The following GPATCH8 variants were observed in gnomAD, a reference collection of about 807,000 sequenced individuals.
GPATCH8 encodes the protein G-patch domain containing 8.
A neutral mutation model predicts 118.3 loss-of-function variants in GPATCH8; 18 were observed. The observed-to-expected ratio is 0.15, with a 90% CI of 0.11 to 0.23. The LOEUF is 0.23. GPATCH8 is among the 10% of genes least tolerant of loss of function. The probability of loss-of-function intolerance (pLI) is 1.00; values close to 1 mark genes in which losing one functional copy is unlikely to be tolerated. For synonymous variants in GPATCH8, 659 were observed against 684.7 expected (o/e 0.96, Z 0.59); for missense variants, 1,631 against 1,873.8 (o/e 0.87, Z 2.39).
At chr17:44,472,547 A>C (rs1375861897) in intron 2 of GPATCH8, among the ~76,000 whole-genome samples, 1 of 152,186 alleles carries the variant, frequency 6.6e-6, no homozygotes, top group African/African-American at 2.4e-5. Flanking sequence ...ATTTCATCTA[A>C]ATTTACTGCT....
At chr17:44,443,114 A>G (rs755723431) in intron 3 of GPATCH8, among the ~76,000 whole-genome samples, 2 of 152,156 alleles carry the variant, frequency 1.3e-5, no homozygotes, top group African/African-American at 2.4e-5. Context: ...CATTAAACTG[A>G]TAAAGGCCAA....
Position 44,400,901 on chromosome 17 carries a change from C to T in GPATCH8, c.1176G>A (p.Glu392=), listed in dbSNP as rs868741181. ...GTGCTGGGGGGATGTAGTGGTAATA[C>T]TCAGGCTCTGTAGCCCCAGCTCCTT... ...REEGAGATEP[E]YYHYIPPAHC... is the part of the protein sequence containing the mutation. The change falls in exon 8 of 8, where the codon GAG becomes GAA. Residue 392 remains glutamate, a synonymous_variant. Transcript: ENST00000591680. 4 of 1,614,038 alleles carry T rather than the reference C, an allele frequency of 2.5e-6. No individual in the cohort carries two copies. The highest frequency in any genetic ancestry group is 1.6e-4 in the Middle Eastern group (1 of 6,062).
chr17:44,469,232 A>G (rs1452845105), intron 2 of GPATCH8, among the ~76,000 whole-genome samples: 1 of 152,210 alleles, frequency 6.6e-6, no homozygotes, highest in Non-Finnish European at 1.5e-5. Flanking sequence ...AACTACCAAT[A>G]TGCTGAAAAC....
At position 44,395,894 on chromosome 17, in the gene GPATCH8, T is replaced by C. The variant is rs762636968; in HGVS notation, c.*1674A>G. 3 of 453,954 alleles carry C rather than the reference T, an allele frequency of 6.6e-6. No individual in the cohort carries two copies. The highest frequency in any genetic ancestry group is 8.8e-6 in the Non-Finnish European group (2 of 226,764). 28.1% of individuals were successfully genotyped at this position (453,954 alleles called of 1,614,324 possible). The stretch of plus-strand genomic sequence containing the variant: ...ACACAAGCACCTTTGGGTCAGTGTG[T>C]TAATTAGGGCTGAGAGCCTGGGTGA... On this transcript the variant is annotated 3_prime_UTR_variant, in exon 8 of 8. Transcript: ENST00000591680.
chr17:44,428,174 T>C (rs1385727686), intron 5 of GPATCH8, among the ~76,000 whole-genome samples: 1 of 151,610 alleles, frequency 6.6e-6, no homozygotes, highest in African/African-American at 2.4e-5. Flanking sequence ...TCCCAGTTAC[T>C]TGGAAGGCTG....
At position 44,400,122 on chromosome 17, in the gene GPATCH8, C is replaced by G; in HGVS notation, c.1955G>C (p.Gly652Ala). ...TCTCCCTGTGTCTTCTGTCTCAGAC[C>G]CATGGCTACCCCCAGGCTCCTGCTT... ...LNKQEPGGSH[G>A]SETEDTGRSL... is the part of the protein sequence containing the mutation. The change falls in exon 8 of 8, where the codon GGG becomes GCG. Residue 652 changes from glycine (G) to alanine (A), a missense_variant. Gly to Ala is a moderately conservative substitution (Grantham distance 60, BLOSUM62 0). Coordinates refer to ENST00000591680, the MANE Select transcript of GPATCH8 (RefSeq NM_001002909.4). 1 of 1,613,948 alleles carries G rather than the reference C, an allele frequency of 6.2e-7. No individual in the cohort carries two copies. Among genetic ancestry groups the G allele is most frequent in the Non-Finnish European group, 8.5e-7 (1 of 1,180,026 alleles).
intron 3 of GPATCH8, among the ~76,000 whole-genome samples, chr17:44,445,181 T>C (rs1318167438): frequency 6.6e-6 from 1 of 152,166 alleles, no homozygotes; most frequent in African/African-American, 2.4e-5. Flanking sequence ...GAAGGAAGCA[T>C]CAAATGTTTA....
chr17:44,421,198 G>A (rs776102436), intron 6 of GPATCH8, among the ~76,000 whole-genome samples: 76 of 151,600 alleles, frequency 5.0e-4, no homozygotes, highest in African/African-American at 7.0e-4. Flanking sequence ...AAAATTAGCC[G>A]GGCGTGGTGG....
intron 3 of GPATCH8, among the ~76,000 whole-genome samples, chr17:44,453,530 T>TGTGTGTGTGTGTGTGTGTGTGTGTGCGC (rs1052518435): frequency 7.3e-5 from 11 of 150,452 alleles, no homozygotes; most frequent in African/African-American, 1.5e-4. Context: ...TGTGTGTGTG[T>TGTGTGTGTGTGTGTGTGTGTGTGTGCGC]GCAGGCGCGC....
Position 44,398,137 on chromosome 17 carries a change from G to C in GPATCH8, c.3940C>G (p.Pro1314Ala), listed in dbSNP as rs891630120. The change falls in exon 8 of 8, where the codon CCT becomes GCT. Residue 1314 changes from proline to alanine, a missense_variant. Transcript: ENST00000591680. Reference protein sequence around the residue: ...PLESQPITFTPEEMEKYSKLQ... With the variant: ...PLESQPITFTAEEMEKYSKLQ... The stretch of plus-strand genomic sequence containing the variant: ...TTGCTGTACTTCTCCATCTCCTCAG[G>C]GGTGAAGGTGATGGGCTGGCTTTCC... 1 of 1,613,456 alleles carries C rather than the reference G, an allele frequency of 6.2e-7. No homozygotes were observed. The highest frequency in any genetic ancestry group is 1.7e-5 in the Admixed American group (1 of 60,018).
chr17:44,433,859 C>A (rs1346809976), intron 5 of GPATCH8, among the ~76,000 whole-genome samples: 10 of 152,102 alleles, frequency 6.6e-5, no homozygotes, highest in Admixed American at 6.6e-4. Context: ...AAAGAGTATG[C>A]CAGGCGCAGT....
intron 6 of GPATCH8, among the ~76,000 whole-genome samples, chr17:44,412,215 G>T (rs930158795): frequency 4.0e-5 from 6 of 151,592 alleles, no homozygotes; most frequent in African/African-American, 1.5e-4. Context: ...GAACCACCAC[G>T]CACGGCCAAA....
At chr17:44,470,254 C>G (rs571880728) in intron 2 of GPATCH8, among the ~76,000 whole-genome samples, 24 of 152,354 alleles carry the variant, frequency 1.6e-4, no homozygotes, top group African/African-American at 5.8e-4. Flanking sequence ...TCGAGTCTCG[C>G]TCTGTCACCC....
rs1389038351 is a variant in GPATCH8, at chr17:44,396,219, A to C, written c.*1349T>G. ...ACTGACTGCCTGGAACAAGGTACCCAGGGAAACCCAGGAATCCCCCCAGAC... is the reference window on the plus strand; with the variant it reads ...ACTGACTGCCTGGAACAAGGTACCCCGGGAAACCCAGGAATCCCCCCAGAC... On this transcript the variant is annotated 3_prime_UTR_variant, in exon 8 of 8. Coordinates refer to ENST00000591680, the MANE Select transcript of GPATCH8 (RefSeq NM_001002909.4). 1 of 454,560 alleles carries C rather than the reference A, an allele frequency of 2.2e-6. No individual in the cohort carries two copies. Among genetic ancestry groups the C allele is most frequent in the South Asian group, 1.6e-5 (1 of 64,472 alleles). The allele number at this position is 454,560 out of a possible 1,614,324, so 28.2% of individuals were successfully genotyped here.
At chr17:44,442,205 T>G in intron 3 of GPATCH8, among the ~76,000 whole-genome samples, 1 of 108,946 alleles carries the variant, frequency 9.2e-6, no homozygotes, top group African/African-American at 3.1e-5. Flanking sequence ...CTGCATATAG[T>G]GATGATGTAA....
chr17:44,441,145 G>A (rs2050675688), intron 3 of GPATCH8, among the ~76,000 whole-genome samples: 1 of 152,134 alleles, frequency 6.6e-6, no homozygotes, highest in Non-Finnish European at 1.5e-5. Context: ...ACTGCACCCA[G>A]CCCAGGGAAA....
chr17:44,482,572 TCA>T (rs1491466374), intron 1 of GPATCH8, among the ~76,000 whole-genome samples: 33 of 39,826 alleles, frequency 8.3e-4, no homozygotes, highest in Admixed American at 5.1e-3. Flanking sequence ...AGACTCCATC[TCA>T]AAAAAAAAAA....
Position 44,420,779 on chromosome 17 carries a change from T to C in GPATCH8, c.492+3570A>G, listed in dbSNP as rs540074468. Among the ~76,000 whole-genome samples the C allele has an allele frequency of 1.1e-4, 17 of 152,356 alleles. No homozygotes were observed. In the South Asian group the frequency reaches 2.7e-3, roughly 24 times the overall value. ...TGCTGTCAATGTGAATTTTATTACA[T>C]TGTAAATCTGTTTTGCTTTTTTTCC... On this transcript the variant is annotated intron_variant, in intron 6 of 7. Transcript: ENST00000591680.
rs560949207 is a variant in GPATCH8, at chr17:44,429,033, C to T, written c.349-4541G>A. 2.0e-4 allele frequency among the ~76,000 whole-genome samples: 31 copies of T among 151,886 alleles called. No individual in the cohort carries two copies. In the South Asian group the frequency reaches 6.4e-3, roughly 32 times the overall value. ...GCAGGCACCTGTAGTCCCAGCTACT[C>T]GGGAGGCTGAGGCAGGAGAATGGCA... On this transcript the variant is annotated intron_variant, in intron 5 of 7. Coordinates refer to ENST00000591680, the MANE Select transcript of GPATCH8 (RefSeq NM_001002909.4).
Sources: gnomAD v4.1 joint callset for allele counts (sites outside exome capture counted in the v4.1 genomes callset) on GRCh38, gnomAD v4.1.1 for gene constraint, MANE v1.5 for transcripts, NCBI Gene and HGNC (gene_info 2026-07-23, HGNC 2026-07-21) for gene names.